The following SH3YL1 variants were observed in gnomAD, a reference collection of about 807,000 sequenced individuals.
SH3YL1 encodes SH3 domain-containing YSC84-like protein 1.
A neutral mutation model predicts 45.8 loss-of-function variants in SH3YL1; 41 were observed. That is an observed-to-expected ratio of 0.89 (90% CI 0.70 to 1.16). SH3YL1 has a LOEUF of 1.16. Among genes scored for constraint, SH3YL1 ranks in the 50% most tolerant of loss-of-function variants. The pLI is 0.00. For missense variants in SH3YL1, 389 were observed against 409.6 expected, an observed-to-expected ratio of 0.95 and a Z score of 0.43; for synonymous variants, 152 against 151.4, an observed-to-expected ratio of 1.00 and a Z score of -0.03.
At chr2:242,721 T>A in intron 4 of SH3YL1, 1 of 1,412,508 alleles carries the variant, frequency 7.1e-7, no homozygotes, top group Non-Finnish European at 9.2e-7. Context: ...TTAGCATGGA[T>A]AAAACAACAA....
At chr2:230,107 T>C (rs1346867617) in intron 7 of SH3YL1, 63 bp from the exon 8 acceptor site, 2 of 1,311,508 alleles carry the variant, frequency 1.5e-6, no homozygotes, top group Non-Finnish European at 2.1e-6. Context: ...TAGGCACATA[T>C]AACTCTTTTC....
rs142989700 is a variant in SH3YL1, at chr2:218,992, T to C, written c.848A>G (p.Asn283Ser). ...CAGCGCTGTCACTTCTATGGGTTGATTCAAATTGCCTGAAACAAGAAAAAA... is the reference window on the plus strand; with the variant it reads ...CAGCGCTGTCACTTCTATGGGTTGACTCAAATTGCCTGAAACAAGAAAAAA... ...SSYHERVGNL[N>S]QPIEVTALYS... is the part of the protein sequence containing the mutation. The change falls in exon 10 of 10, where the codon AAT becomes AGT. Residue 283 changes from asparagine (N) to serine (S), a missense_variant. Asn to Ser is a conservative substitution (Grantham distance 46, BLOSUM62 1). Transcript: ENST00000356150. 6.4e-4 allele frequency: 1,020 copies of C among 1,605,898 alleles called. 7 individuals carry two copies. In the African/African-American group the frequency reaches 0.012, roughly 18 times the overall value.
intron 1 of SH3YL1, chr2:262,073 G>GA (rs1421526947): frequency 6.5e-6 from 1 of 153,822 alleles, no homozygotes; most frequent in Non-Finnish European, 1.5e-5. Flanking sequence ...TTAGCCAAAA[G>GA]AAAGTGTATG....
At chr2:253,426 C>T (rs995274412) in intron 1 of SH3YL1, among the ~76,000 whole-genome samples, 2 of 152,114 alleles carry the variant, frequency 1.3e-5, no homozygotes, top group Non-Finnish European at 2.9e-5. Context: ...ATGAACGTGA[C>T]CTCTGGTCAT....
In SH3YL1 at chr2:234,245, A is replaced by G. The variant is rs368703924; in HGVS notation, c.319T>C (p.Tyr107His). 2 of 1,613,852 alleles carry G rather than the reference A, an allele frequency of 1.2e-6. No homozygotes were observed. Among genetic ancestry groups the G allele is most frequent in the Non-Finnish European group, 1.7e-6 (2 of 1,179,946 alleles). The change falls in exon 5 of 10, where the codon TAT becomes CAT. Residue 107 changes from tyrosine (Y) to histidine (H), a missense_variant. By Grantham distance (83) the Tyr-to-His change is moderately conservative (BLOSUM62 2). Transcript: ENST00000356150. ...EVSDLVIILN[Y>H]DRAVEAFAKG... ...GCAAAAGCTTCTACAGCACGGTCAT[A>G]ATTCAGAATTATCACCAAGTCTGAT... is the stretch of plus-strand genomic sequence containing the variant.
chr2:256,709 A>G (rs1669348492), intron 1 of SH3YL1: 1 of 152,270 alleles, frequency 6.6e-6, no homozygotes, highest in South Asian at 2.1e-4. Flanking sequence ...AAAGAAAAAG[A>G]AAAAATGTTT....
chr2:224,483 T>A (rs1558233205), intron 9 of SH3YL1, among the ~76,000 whole-genome samples: 2 of 152,190 alleles, frequency 1.3e-5, no homozygotes, highest in Admixed American at 1.3e-4. Context: ...AGACAGCAAA[T>A]GTGGAGGAGA....
intron 5 of SH3YL1, 106 bp downstream of exon 5, chr2:234,054 T>C: frequency 2.5e-6 from 2 of 812,866 alleles, no homozygotes; most frequent in South Asian, 3.4e-5. Flanking sequence ...TGTATAAATC[T>C]GGGGATGTAC....
Position 262,535 on chromosome 2 carries a change from G to C in SH3YL1, c.1+1449C>G. 4.7e-6 allele frequency: 6 copies of C among 1,277,950 alleles called. No individual in the cohort carries two copies. The South Asian group carries it at 7.5e-5, about 16-fold the overall frequency. 79.2% of individuals were successfully genotyped at this position (1,277,950 alleles called of 1,614,324 possible). On this transcript the variant is annotated intron_variant, in intron 1 of 9. Transcript: ENST00000356150. ...TGCCACACTGGTCTGATCTTTTAGA[G>C]TAAAAAATGGGATCTTCTCAGAGAA... is the stretch of plus-strand genomic sequence containing the variant.
At chr2:253,493 C>G (rs1669169471) in intron 1 of SH3YL1, among the ~76,000 whole-genome samples, 1 of 152,210 alleles carries the variant, frequency 6.6e-6, no homozygotes, top group Non-Finnish European at 1.5e-5. Flanking sequence ...GACACTCCCA[C>G]CAGCGCCATG....
intron 2 of SH3YL1, among the ~76,000 whole-genome samples, chr2:252,703 TA>T (rs1669122306): frequency 6.6e-6 from 1 of 152,228 alleles, no homozygotes; most frequent in Non-Finnish European, 1.5e-5. Flanking sequence ...GTGCTGTGAT[TA>T]ATTAAGAGGG....
In SH3YL1 at chr2:218,253, T is replaced by G. The variant is rs1036789464; in HGVS notation, c.*558A>C. 6.6e-6 allele frequency: 1 copy of G among 152,334 alleles called. No homozygotes were observed. Among genetic ancestry groups the G allele is most frequent in the East Asian group, 1.9e-4 (1 of 5,192 alleles). 9.4% of individuals were successfully genotyped at this position (152,334 alleles called of 1,614,324 possible). A position where few individuals can be genotyped will look rare whatever the true frequency, so the allele number is the denominator to read the frequency against. Reference sequence around the variant, plus strand: ...AATGTAGCCCCATAAGGAAGAAAAGTTGAGAGATGCCATATGTTTAAAGAC... The same window carrying G: ...AATGTAGCCCCATAAGGAAGAAAAGGTGAGAGATGCCATATGTTTAAAGAC... On this transcript the variant is annotated 3_prime_UTR_variant, in exon 10 of 10. Coordinates refer to ENST00000356150, the MANE Select transcript of SH3YL1 (RefSeq NM_015677.4).
At chr2:262,592 T>C in intron 1 of SH3YL1, 1 of 1,304,192 alleles carries the variant, frequency 7.7e-7, no homozygotes, top group Non-Finnish European at 1.0e-6. Context: ...TGCTTAGGTC[T>C]CAGAGCAGAG....
At chr2:250,563 G>A (rs954566507) in intron 2 of SH3YL1, among the ~76,000 whole-genome samples, 1 of 152,070 alleles carries the variant, frequency 6.6e-6, no homozygotes, top group African/African-American at 2.4e-5. Flanking sequence ...GTGAATTTAC[G>A]ACACAATAAC....
intron 4 of SH3YL1, among the ~76,000 whole-genome samples, 194 bp from the exon 5 acceptor site, chr2:234,466 C>T (rs1199212324): frequency 6.6e-6 from 1 of 152,146 alleles, no homozygotes; most frequent in African/African-American, 2.4e-5. Context: ...CAGGTAATTA[C>T]AACAAACCTC....
intron 8 of SH3YL1, among the ~76,000 whole-genome samples, chr2:228,975 TAC>T (rs1667913756): frequency 6.6e-6 from 1 of 152,226 alleles, no homozygotes. Context: ...GTTATGTTTC[TAC>T]ATGTAATCTC....
At chr2:252,479 G>C (rs1427188069) in intron 2 of SH3YL1, among the ~76,000 whole-genome samples, 1 of 152,116 alleles carries the variant, frequency 6.6e-6, no homozygotes, top group Non-Finnish European at 1.5e-5. Context: ...CTATGCAAAA[G>C]GGAGAGACAG....
At chr2:253,428 T>C (rs962107433) in intron 1 of SH3YL1, among the ~76,000 whole-genome samples, 6 of 152,130 alleles carry the variant, frequency 3.9e-5, no homozygotes, top group African/African-American at 1.4e-4. Context: ...GAACGTGACC[T>C]CTGGTCATCT....
chr2:222,879 G>C (rs1667634880), intron 9 of SH3YL1: 1 of 152,254 alleles, frequency 6.6e-6, no homozygotes, highest in Non-Finnish European at 1.5e-5. Flanking sequence ...CTGGGGCCAT[G>C]TAACTGTGAC....
Sources: gnomAD v4.1 joint callset for allele counts (sites outside exome capture counted in the v4.1 genomes callset) on GRCh38, gnomAD v4.1.1 for gene constraint, MANE v1.5 for transcripts, NCBI Gene and HGNC (gene_info 2026-07-23, HGNC 2026-07-21) for gene names.